The following GPC6 variants were observed in gnomAD, a reference collection of about 807,000 sequenced individuals.
The protein encoded by GPC6 is glypican 6, also known as glypican-6.
In GPC6, 14 loss-of-function variants were observed where a neutral mutation model predicts 55.2. The ratio of observed to expected loss-of-function variants is 0.25; its 90% CI spans 0.17 to 0.40. The LOEUF (loss-of-function observed/expected upper bound fraction) is 0.40. Among genes scored for constraint, GPC6 ranks in the 10% least tolerant of loss-of-function variants. The pLI is 1.00. For missense variants in GPC6, 641 were observed against 708.5 expected (o/e 0.90, Z 1.08); for synonymous variants, 278 against 259.6 (o/e 1.07, Z -0.68).
chr13:93,356,729 G>A (rs1297368078), intron 1 of GPC6, among the ~76,000 whole-genome samples: 1 of 152,138 alleles, frequency 6.6e-6, no homozygotes, highest in Non-Finnish European at 1.5e-5. Flanking sequence ...TACTATGCAA[G>A]GTGTATCTTT....
intron 5 of GPC6, among the ~76,000 whole-genome samples, chr13:94,296,171 C>G (rs9524422): frequency 0.016 from 2,382 of 152,164 alleles, 33 homozygotes; most frequent in East Asian, 0.036. Context: ...TATGTGATAC[C>G]CATCCAGCGC....
chr13:93,373,758 A>G (rs1874772613), intron 1 of GPC6, among the ~76,000 whole-genome samples: 1 of 152,244 alleles, frequency 6.6e-6, no homozygotes. Context: ...TATGAATTAT[A>G]TCTCTGACTA....
At chr13:93,813,779 A>G (rs1002992050) in intron 2 of GPC6, among the ~76,000 whole-genome samples, 4 of 146,306 alleles carry the variant, frequency 2.7e-5, no homozygotes, top group African/African-American at 1.0e-4. Flanking sequence ...TTATAAGATA[A>G]TATAGTTTAT....
chr13:93,459,006 C>T (rs781039671), intron 1 of GPC6, among the ~76,000 whole-genome samples: 29 of 152,068 alleles, frequency 1.9e-4, no homozygotes, highest in South Asian at 4.2e-4. Flanking sequence ...GTAATGGAGA[C>T]GTTCTTCATA....
chr13:94,094,001 T>A (rs1210353079), intron 4 of GPC6, among the ~76,000 whole-genome samples: 1 of 151,900 alleles, frequency 6.6e-6, no homozygotes, highest in Admixed American at 6.6e-5. Context: ...TGAAAGAGAG[T>A]CCTATTACTG....
chr13:93,901,914 A>C (rs530484822), intron 3 of GPC6, among the ~76,000 whole-genome samples: 2 of 151,712 alleles, frequency 1.3e-5, no homozygotes, highest in South Asian at 2.1e-4. Flanking sequence ...AAAAAAAAAA[A>C]AAAACTTTTA....
chr13:94,211,370 C>G (rs1313775934), intron 4 of GPC6, among the ~76,000 whole-genome samples: 1 of 152,124 alleles, frequency 6.6e-6, no homozygotes, highest in Non-Finnish European at 1.5e-5. Flanking sequence ...AGGAACTTTT[C>G]AACTTTGACT....
At chr13:94,018,108 T>G (rs1278501464) in intron 3 of GPC6, among the ~76,000 whole-genome samples, 1 of 152,196 alleles carries the variant, frequency 6.6e-6, no homozygotes, top group Non-Finnish European at 1.5e-5. Context: ...TTCCTACTTT[T>G]CTGTATATTT....
intron 3 of GPC6, among the ~76,000 whole-genome samples, chr13:93,996,401 T>C (rs980207106): frequency 1.3e-5 from 2 of 152,198 alleles, no homozygotes; most frequent in African/African-American, 4.8e-5. Context: ...TCTTTGAGAT[T>C]ATCAGACTTG....
intron 2 of GPC6, among the ~76,000 whole-genome samples, chr13:93,740,676 G>T (rs1265382592): frequency 6.6e-6 from 1 of 152,076 alleles, no homozygotes; most frequent in African/African-American, 2.4e-5. Context: ...AAAGCAAGTG[G>T]CAGTTCAGCT....
At chr13:93,886,129 G>T (rs1003138996) in intron 3 of GPC6, among the ~76,000 whole-genome samples, 2 of 152,048 alleles carry the variant, frequency 1.3e-5, no homozygotes, top group African/African-American at 4.8e-5. Flanking sequence ...AAGTTTTGGG[G>T]TTTTAAATTG....
intron 2 of GPC6, among the ~76,000 whole-genome samples, chr13:93,560,384 G>A (rs561078799): frequency 1.0e-3 from 154 of 151,106 alleles, no homozygotes; most frequent in African/African-American, 3.6e-3. Flanking sequence ...GTGTTGTGGT[G>A]TGTGCCTGTC....
intron 4 of GPC6, among the ~76,000 whole-genome samples, chr13:94,116,507 CT>C (rs1886434158): frequency 1.3e-5 from 2 of 152,066 alleles, no homozygotes; most frequent in South Asian, 2.1e-4. Context: ...GGTGGGCAGG[CT>C]TTTATGGTTA....
At chr13:93,266,497 C>T (rs1233831514) in intron 1 of GPC6, among the ~76,000 whole-genome samples, 4 of 152,034 alleles carry the variant, frequency 2.6e-5, no homozygotes, top group East Asian at 1.9e-4. Flanking sequence ...AGACCCAGTA[C>T]GTTCATTAAT....
chr13:94,126,696 A>G (rs945053792), intron 4 of GPC6, among the ~76,000 whole-genome samples: 1 of 151,822 alleles, frequency 6.6e-6, no homozygotes, highest in Non-Finnish European at 1.5e-5. Context: ...AAAAAATCAA[A>G]TATTATTACC....
At chr13:94,009,165 C>A (rs765447390) in intron 3 of GPC6, among the ~76,000 whole-genome samples, 1 of 152,040 alleles carries the variant, frequency 6.6e-6, no homozygotes, top group Non-Finnish European at 1.5e-5. Context: ...AGGATTTCCC[C>A]CCTAATAGGT....
intron 3 of GPC6, among the ~76,000 whole-genome samples, chr13:93,914,209 C>T (rs180984005): frequency 2.2e-4 from 34 of 152,216 alleles, no homozygotes; most frequent in Non-Finnish European, 3.7e-4. Context: ...AATGCTATCC[C>T]TCCCCCCTCT....
At chr13:94,254,462 T>C (rs998642893) in intron 4 of GPC6, among the ~76,000 whole-genome samples, 6 of 151,790 alleles carry the variant, frequency 4.0e-5, no homozygotes, top group African/African-American at 1.4e-4. Flanking sequence ...TATCCCAGCA[T>C]TTTACTTTAT....
At chr13:93,479,061 A>G (rs1408573650) in intron 1 of GPC6, among the ~76,000 whole-genome samples, 1 of 152,198 alleles carries the variant, frequency 6.6e-6, no homozygotes, top group African/African-American at 2.4e-5. Flanking sequence ...TGAACCAGAC[A>G]TCTAGATTTT....
Sources: gnomAD v4.1 joint callset for allele counts (sites outside exome capture counted in the v4.1 genomes callset) on GRCh38, gnomAD v4.1.1 for gene constraint, MANE v1.5 for transcripts, NCBI Gene and HGNC (gene_info 2026-07-23, HGNC 2026-07-21) for gene names.